Variants in SASH1 observed in about 807,000 individuals in gnomAD.
SASH1 encodes the protein SAM and SH3 domain-containing protein 1.
Under a neutral mutation model 125.2 loss-of-function variants are expected in SASH1, and 44 were observed. The ratio of observed to expected loss-of-function variants is 0.35; its 90% CI spans 0.28 to 0.45. SASH1 has a LOEUF of 0.45. Ranked by LOEUF, SASH1 falls within the 20% of genes least tolerant of loss-of-function variation. The pLI is 1.00. For missense variants in SASH1, 1,426 were observed against 1,614.5 expected (o/e 0.88, Z 2.00); for synonymous variants, 639 against 649.1 (o/e 0.98, Z 0.24).
At chr6:148,310,076 C>T (rs1780258153) in intron 1 of SASH1, among the ~76,000 whole-genome samples, 1 of 152,146 alleles carries the variant, frequency 6.6e-6, no homozygotes, top group African/African-American at 2.4e-5. Context: ...AATCCCAGCG[C>T]TTTGGGAAGC....
intron 1 of SASH1, among the ~76,000 whole-genome samples, chr6:148,286,702 G>A (rs1004819674): frequency 6.6e-6 from 1 of 152,082 alleles, no homozygotes; most frequent in African/African-American, 2.4e-5. Context: ...ATACGGATTA[G>A]AGCCCACCCT....
chr6:148,324,405 C>T (rs1780741721), intron 1 of SASH1, among the ~76,000 whole-genome samples: 1 of 152,138 alleles, frequency 6.6e-6, no homozygotes, highest in Admixed American at 6.5e-5. Context: ...CATCTGTGTT[C>T]CCTGCCTCAG....
At chr6:148,517,988 G>A (rs2115344448) in intron 9 of SASH1, among the ~76,000 whole-genome samples, 1 of 152,298 alleles carries the variant, frequency 6.6e-6, no homozygotes, top group East Asian at 1.9e-4. Context: ...GAAGTCCATG[G>A]TTGGGCTGCC....
chr6:148,232,642 C>T, the SASH1 span, among the ~76,000 whole-genome samples: 2 of 152,016 alleles, frequency 1.3e-5, no homozygotes, highest in African/African-American at 4.8e-5. Context: ...TGGGATTGGC[C>T]CTCAAGAGGT....
the SASH1 span, among the ~76,000 whole-genome samples, chr6:148,246,773 G>A: frequency 6.6e-6 from 1 of 152,322 alleles, no homozygotes; most frequent in Admixed American, 6.5e-5. Context: ...AAAAGTAAAT[G>A]TGTTCAAAAA....
intron 8 of SASH1, among the ~76,000 whole-genome samples, chr6:148,490,290 C>A (rs1219960735): frequency 1.3e-5 from 2 of 151,884 alleles, no homozygotes; most frequent in Non-Finnish European, 2.9e-5. Context: ...CTCACTGCAA[C>A]CTCCACCTCC....
chr6:148,208,099 G>A, the SASH1 span, among the ~76,000 whole-genome samples: 4,744 of 152,190 alleles, frequency 0.031, 116 homozygotes, highest in South Asian at 0.064. Flanking sequence ...CTGAGCCCCC[G>A]TTTGGTGTGG....
At chr6:148,309,581 C>T (rs1027987172) in intron 1 of SASH1, among the ~76,000 whole-genome samples, 1 of 149,566 alleles carries the variant, frequency 6.7e-6, no homozygotes. Context: ...CTGGCTTGTA[C>T]AACAGGCAGG....
intron 8 of SASH1, among the ~76,000 whole-genome samples, chr6:148,509,111 A>G (rs1779972199): frequency 6.6e-6 from 1 of 151,990 alleles, no homozygotes. Context: ...TTGTTTTGAG[A>G]ATTTGAGACA....
Position 148,428,403 on chromosome 6 carries a change from C to T in SASH1, c.286-11781C>T, listed in dbSNP as rs143226914. 7.6e-3 allele frequency among the ~76,000 whole-genome samples: 1,157 copies of T among 152,168 alleles called. 16 individuals carry two copies. Among genetic ancestry groups the T allele is most frequent in the Non-Finnish European group, 7.8e-3 (532 of 68,004 alleles). On this transcript the variant is annotated intron_variant, in intron 2 of 19. Transcript: ENST00000367467. ...CAGCACTTTGGGAGGCCAAGGCAGG[C>T]GGATCTTAACTTGAGGTTAAGAGTT... is the stretch of plus-strand genomic sequence containing the variant.
chr6:148,421,209 G>GAAAGAAAGAA (rs1583129901), intron 2 of SASH1, among the ~76,000 whole-genome samples: 3 of 137,100 alleles, frequency 2.2e-5, no homozygotes, highest in East Asian at 4.5e-4. Context: ...AAGAAAGAAA[G>GAAAGAAAGAA]AAAGAAAAAG....
chr6:148,278,329 AC>A (rs1225847664), intron 1 of SASH1, among the ~76,000 whole-genome samples: 1 of 151,710 alleles, frequency 6.6e-6, no homozygotes, highest in Non-Finnish European at 1.5e-5. Context: ...GAGCCACCGC[AC>A]CCGGCCGGGA....
chr6:148,484,961 C>T (rs140328882), intron 7 of SASH1, among the ~76,000 whole-genome samples: 7 of 152,036 alleles, frequency 4.6e-5, no homozygotes, highest in Middle Eastern at 3.4e-3. Flanking sequence ...AACCAAAAAA[C>T]CAGTTAAGTA....
intron 1 of SASH1, among the ~76,000 whole-genome samples, chr6:148,292,647 T>C (rs1779665118): frequency 6.6e-6 from 1 of 152,170 alleles, no homozygotes; most frequent in Non-Finnish European, 1.5e-5. Flanking sequence ...GCCAGAGCTG[T>C]ACCCTGGCAA....
At chr6:148,535,518 A>G (rs1781789515) in intron 16 of SASH1, among the ~76,000 whole-genome samples, 1 of 152,242 alleles carries the variant, frequency 6.6e-6, no homozygotes, top group South Asian at 2.1e-4. Flanking sequence ...TCGTTAAAGG[A>G]GGAGACGTCT....
intron 8 of SASH1, among the ~76,000 whole-genome samples, chr6:148,489,237 A>G (rs1778998606): frequency 6.6e-6 from 1 of 152,138 alleles, no homozygotes; most frequent in Non-Finnish European, 1.5e-5. Flanking sequence ...TCCTTTCCTC[A>G]TTTTATGGTC....
At chr6:148,209,656 C>T in the SASH1 span, among the ~76,000 whole-genome samples, 1 of 152,176 alleles carries the variant, frequency 6.6e-6, no homozygotes, top group African/African-American at 2.4e-5. Context: ...TCCGGAATAA[C>T]AGATTTTGTA....
the SASH1 span, among the ~76,000 whole-genome samples, chr6:148,216,261 T>C: frequency 6.6e-6 from 1 of 152,228 alleles, no homozygotes; most frequent in African/African-American, 2.4e-5. Flanking sequence ...CTTTTCCACA[T>C]CTACTTGTAT....
intron 16 of SASH1, among the ~76,000 whole-genome samples, chr6:148,538,749 C>T (rs1156249041): frequency 6.6e-6 from 1 of 152,134 alleles, no homozygotes; most frequent in East Asian, 1.9e-4. Context: ...TGAGAAAAGG[C>T]ATCACATTTC....
Sources: allele counts gnomAD v4.1 joint callset (sites outside exome capture counted in the v4.1 genomes callset), GRCh38; gene constraint gnomAD v4.1.1; transcripts MANE v1.5; gene names NCBI Gene and HGNC (gene_info 2026-07-23, HGNC 2026-07-21).